The following TMEM132D variants were observed in gnomAD, a reference collection of about 807,000 sequenced individuals.
TMEM132D encodes the protein transmembrane protein 132D.
In TMEM132D, 21 loss-of-function variants were observed where a neutral mutation model predicts 62.3. The ratio of observed to expected loss-of-function variants is 0.34; its 90% CI spans 0.24 to 0.49. TMEM132D has a LOEUF of 0.49. TMEM132D is among the 20% of genes least tolerant of loss of function. The pLI, the probability that TMEM132D is intolerant of heterozygous loss-of-function variation, is 0.99. For missense variants in TMEM132D, 1,346 were observed against 1,402.8 expected (o/e 0.96, Z 0.65); for synonymous variants, 621 against 575.6 (o/e 1.08, Z -1.13).
At chr12:129,624,899 T>A (rs1457749133) in intron 2 of TMEM132D, among the ~76,000 whole-genome samples, 6 of 145,824 alleles carry the variant, frequency 4.1e-5, no homozygotes, top group African/African-American at 1.5e-4. Flanking sequence ...GGAGAAGGCA[T>A]CTGGAGGCAC....
intron 4 of TMEM132D, among the ~76,000 whole-genome samples, chr12:129,266,454 A>T (rs1344498223): frequency 1.0e-4 from 11 of 108,498 alleles, no homozygotes; most frequent in African/African-American, 1.8e-4. Flanking sequence ...TTCTTTTCTC[A>T]CCTCCACTTC....
chr12:129,551,057 C>G lies in TMEM132D; in HGVS notation c.969-19852G>C, dbSNP rs142582136. Among the ~76,000 whole-genome samples the G allele has an allele frequency of 5.5e-3, 837 of 152,312 alleles. 8 individuals are homozygous for G. The highest frequency in any genetic ancestry group is 0.019 in the African/African-American group (792 of 41,564). ...GTAGTGCCATGAACCAGTCTGAAAC[C>G]CCAACGGGGGTCCCAGGCAAGAGCC... On this transcript the variant is annotated intron_variant, in intron 2 of 8. Transcript: ENST00000422113.
At chr12:129,662,082 G>A (rs1880248807) in intron 2 of TMEM132D, among the ~76,000 whole-genome samples, 1 of 152,306 alleles carries the variant, frequency 6.6e-6, no homozygotes, top group Admixed American at 6.5e-5. Flanking sequence ...ATACTAGCAG[G>A]GCACATACTC....
At chr12:129,120,623 C>CA (rs1245206225) in intron 5 of TMEM132D, among the ~76,000 whole-genome samples, 2 of 151,702 alleles carry the variant, frequency 1.3e-5, no homozygotes, top group East Asian at 3.9e-4. Flanking sequence ...GATCCTCAAA[C>CA]AAAAAAGGAT....
In TMEM132D at chr12:129,074,071, G is replaced by T. The variant is rs769789929; in HGVS notation, c.3104C>A (p.Pro1035Gln). 6 of 1,613,938 alleles carry T rather than the reference G, an allele frequency of 3.7e-6. No individual in the cohort carries two copies. The highest frequency in any genetic ancestry group is 5.1e-6 in the Non-Finnish European group (6 of 1,180,000). ...IDGKDQKSEPPTSPTSKRKRV... is the reference protein window; with the variant it reads ...IDGKDQKSEPQTSPTSKRKRV... ...TTTCCTTTTTGAGGTAGGGGATGTT[G>T]GGGGCTCACTTTTCTGATCTTTCCC... The change falls in exon 9 of 9, where the codon CCA (proline) becomes CAA (glutamine). Residue 1035 changes from proline (P) to glutamine (Q), a missense_variant. Coordinates refer to ENST00000422113, the MANE Select transcript of TMEM132D (RefSeq NM_133448.3).
At chr12:129,403,299 C>T (rs535737656) in intron 3 of TMEM132D, among the ~76,000 whole-genome samples, 1 of 146,660 alleles carries the variant, frequency 6.8e-6, no homozygotes, top group South Asian at 2.3e-4. Context: ...AACTGGCTTT[C>T]GAAAATACTC....
chr12:129,517,805 G>A (rs1875727031), intron 3 of TMEM132D, among the ~76,000 whole-genome samples: 1 of 152,162 alleles, frequency 6.6e-6, no homozygotes, highest in Non-Finnish European at 1.5e-5. Context: ...TGGCAGGCAT[G>A]GTTGAATAAG....
chr12:129,629,007 C>T (rs142744811), intron 2 of TMEM132D, among the ~76,000 whole-genome samples: 590 of 151,988 alleles, frequency 3.9e-3, no homozygotes, highest in Non-Finnish European at 6.7e-3. Flanking sequence ...CTCTCTCTCT[C>T]TCCATCTTTA....
chr12:129,443,859 C>T (rs904354117), intron 3 of TMEM132D, among the ~76,000 whole-genome samples: 20 of 152,112 alleles, frequency 1.3e-4, no homozygotes, highest in African/African-American at 4.6e-4. Context: ...GGTATGGCCA[C>T]GTGGCCCAAA....
intron 5 of TMEM132D, chr12:129,169,955 C>T (rs1877674326): frequency 6.6e-6 from 1 of 152,206 alleles, no homozygotes; most frequent in Non-Finnish European, 1.5e-5. Context: ...ACATCAAATA[C>T]ACAAATGTTC....
chr12:129,131,469 T>G (rs182350990), intron 5 of TMEM132D, among the ~76,000 whole-genome samples: 94 of 152,222 alleles, frequency 6.2e-4, no homozygotes, highest in African/African-American at 2.2e-3. Flanking sequence ...TAGCTGAGCA[T>G]GGTGGTGCAT....
intron 3 of TMEM132D, among the ~76,000 whole-genome samples, chr12:129,430,413 C>T (rs543713769): frequency 4.6e-5 from 7 of 152,286 alleles, no homozygotes; most frequent in Middle Eastern, 3.4e-3. Flanking sequence ...ATCCTTCGCC[C>T]ACTTTTTGAT....
intron 4 of TMEM132D, among the ~76,000 whole-genome samples, chr12:129,301,352 G>T (rs1246988732): frequency 1.3e-5 from 2 of 151,996 alleles, no homozygotes; most frequent in Non-Finnish European, 2.9e-5. Flanking sequence ...AGCTATGGGG[G>T]CTCAAAGCTG....
chr12:129,675,793 C>G (rs1180898551), intron 2 of TMEM132D, among the ~76,000 whole-genome samples: 1 of 152,138 alleles, frequency 6.6e-6, no homozygotes, highest in Non-Finnish European at 1.5e-5. Context: ...CAGACACAAC[C>G]AGGAATTATC....
intron 5 of TMEM132D, among the ~76,000 whole-genome samples, chr12:129,207,129 G>GA (rs932886870): frequency 2.0e-5 from 3 of 152,010 alleles, no homozygotes; most frequent in Admixed American, 6.5e-5. Flanking sequence ...CACACAAAAA[G>GA]AAAAAAACAA....
At chr12:129,797,934 GC>G (rs1700528550) in intron 1 of TMEM132D, among the ~76,000 whole-genome samples, 1 of 152,204 alleles carries the variant, frequency 6.6e-6, no homozygotes, top group Non-Finnish European at 1.5e-5. Context: ...GTGGGAACTG[GC>G]GGAAGGGGAC....
At chr12:129,288,293 A>C (rs1881360096) in intron 4 of TMEM132D, among the ~76,000 whole-genome samples, 1 of 152,228 alleles carries the variant, frequency 6.6e-6, no homozygotes, top group African/African-American at 2.4e-5. Context: ...TAAACAGAGG[A>C]AGAAGGCAAT....
At chr12:129,890,919 C>T (rs748935110) in intron 1 of TMEM132D, among the ~76,000 whole-genome samples, 1 of 152,186 alleles carries the variant, frequency 6.6e-6, no homozygotes, top group Admixed American at 6.5e-5. Context: ...TAGGACGGAA[C>T]GTGAAAGTTT....
chr12:129,663,203 T>C (rs1416971851), intron 2 of TMEM132D, among the ~76,000 whole-genome samples: 1 of 152,130 alleles, frequency 6.6e-6, no homozygotes, highest in Non-Finnish European at 1.5e-5. Flanking sequence ...AATGGCACGA[T>C]CTTGGCTCTC....
Sources: gnomAD v4.1 joint callset for allele counts (sites outside exome capture counted in the v4.1 genomes callset) on GRCh38, gnomAD v4.1.1 for gene constraint, MANE v1.5 for transcripts, NCBI Gene and HGNC (gene_info 2026-07-23, HGNC 2026-07-21) for gene names.